Variants in MYO6 observed in about 807,000 individuals in gnomAD.
MYO6 encodes myosin VI, also known as unconventional myosin-VI.
MYO6 carries 74 observed loss-of-function variants against 178.7 expected under a neutral mutation model. That is an observed-to-expected ratio of 0.41 (90% CI 0.34 to 0.50). The LOEUF (loss-of-function observed/expected upper bound fraction) is 0.50, where lower values mean the gene tolerates loss of function less well. MYO6 is among the 20% of genes least tolerant of loss of function. MYO6 has a pLI of 0.09. For synonymous variants in MYO6, 477 were observed against 504.6 expected, an observed-to-expected ratio of 0.95 and a Z score of 0.73; for missense variants, 1,330 against 1,547.4, an observed-to-expected ratio of 0.86 and a Z score of 2.36.
At position 75,918,413 on chromosome 6, in the gene MYO6, T is replaced by C. The variant is rs1320929630; in HGVS notation, c.*3401T>C. On this transcript the variant is annotated 3_prime_UTR_variant, in exon 35 of 35. Transcript: ENST00000369977. ...CCCCCAGTTTGGAAACACTGATACA[T>C]TTTAGGACACAGAGCACTCCTAGAT... The C allele has an allele frequency of 6.6e-6, 1 of 152,186 alleles. No homozygotes were observed. Among genetic ancestry groups the C allele is most frequent in the African/African-American group, 2.4e-5 (1 of 41,430 alleles). The allele number at this position is 152,186 out of a possible 1,614,324, so 9.4% of individuals were successfully genotyped here. A position where few individuals can be genotyped will look rare whatever the true frequency, so the allele number is the denominator to read the frequency against.
At chr6:75,910,228 T>C (rs1449259425) in intron 32 of MYO6, among the ~76,000 whole-genome samples, 2 of 152,178 alleles carry the variant, frequency 1.3e-5, no homozygotes, top group Non-Finnish European at 2.9e-5. Context: ...AAAATGACAG[T>C]GAGCTGTTCT....
chr6:75,908,436 TTA>T (rs1392420183), intron 31 of MYO6, 58 bp from the exon 32 acceptor site: 3 of 1,518,008 alleles, frequency 2.0e-6, no homozygotes, highest in Non-Finnish European at 2.7e-6. Context: ...AATTATATCA[TTA>T]TGTTAGACGA....
At chr6:75,882,168 G>T (rs927121592) in intron 23 of MYO6, among the ~76,000 whole-genome samples, 1 of 151,976 alleles carries the variant, frequency 6.6e-6, no homozygotes, top group Non-Finnish European at 1.5e-5. Context: ...CACATACCCC[G>T]AAAATTCTAA....
chr6:75,910,162 T>A (rs935304207), intron 32 of MYO6, among the ~76,000 whole-genome samples: 25 of 152,192 alleles, frequency 1.6e-4, no homozygotes, highest in African/African-American at 4.8e-4. Context: ...ATGATTACAT[T>A]AGCTGTTCAC....
chr6:75,849,104 C>T (rs914354316), intron 11 of MYO6, among the ~76,000 whole-genome samples: 1 of 152,134 alleles, frequency 6.6e-6, no homozygotes, highest in Non-Finnish European at 1.5e-5. Context: ...ATTTGATCTA[C>T]GAATACAGGG....
At chr6:75,836,370 T>G (rs1036966967) in intron 7 of MYO6, among the ~76,000 whole-genome samples, 3 of 152,316 alleles carry the variant, frequency 2.0e-5, no homozygotes, top group African/African-American at 7.2e-5. Context: ...GTGTGTAAAT[T>G]GATTTCCTTA....
rs765565236 is a variant in MYO6, at chr6:75,787,676, T to TTCTC, written c.-47-29773_-47-29770dup. ...ATATATATATGGGGGAATGGAACTA[T>TTCTC]TCTCTCTCTCTCTCTCTCTCTCTCT... On this transcript the variant is annotated intron_variant, in intron 1 of 34. Transcript: ENST00000369977. Among the ~76,000 whole-genome samples the TTCTC allele has an allele frequency of 1.4e-3, 34 of 25,000 alleles. 1 individual carries two copies. Among genetic ancestry groups the TTCTC allele is most frequent in the Non-Finnish European group, 2.0e-3 (31 of 15,492 alleles). 16.4% of individuals were successfully genotyped at this position (25,000 alleles called of 152,430 possible).
At chr6:75,872,416 C>A (rs1453186398) in intron 19 of MYO6, among the ~76,000 whole-genome samples, 2 of 152,066 alleles carry the variant, frequency 1.3e-5, no homozygotes, top group Non-Finnish European at 2.9e-5. Flanking sequence ...AGCTTAGGGA[C>A]CTACTGTATG....
intron 1 of MYO6, among the ~76,000 whole-genome samples, chr6:75,757,014 T>C (rs1582973950): frequency 7.1e-6 from 1 of 140,840 alleles, no homozygotes; most frequent in Non-Finnish European, 1.6e-5. Context: ...AGTGTGTATA[T>C]ATGTATACAC....
intron 1 of MYO6, among the ~76,000 whole-genome samples, chr6:75,788,106 A>G (rs1767856191): frequency 1.3e-5 from 2 of 151,992 alleles, no homozygotes; most frequent in Admixed American, 6.6e-5. Context: ...ATTTTACTAT[A>G]TGTAAATTAT....
chr6:75,794,469 A>G (rs1768571410), intron 1 of MYO6, among the ~76,000 whole-genome samples: 2 of 152,224 alleles, frequency 1.3e-5, no homozygotes, highest in African/African-American at 4.8e-5. Flanking sequence ...TAAAAGGCAT[A>G]GCAGTTCTGG....
At chr6:75,811,391 G>A (rs1342450584) in intron 1 of MYO6, among the ~76,000 whole-genome samples, 5 of 152,076 alleles carry the variant, frequency 3.3e-5, no homozygotes, top group Non-Finnish European at 5.9e-5. Flanking sequence ...ATTAGAAAAT[G>A]CTTCTGTTTT....
chr6:75,801,325 G>A (rs556324694), intron 1 of MYO6, among the ~76,000 whole-genome samples: 90 of 151,826 alleles, frequency 5.9e-4, no homozygotes, highest in African/African-American at 2.1e-3. Context: ...GAAAGAGAGG[G>A]ACGAGAGGAG....
At chr6:75,902,574 C>A (rs1261914708) in intron 30 of MYO6, among the ~76,000 whole-genome samples, 1 of 151,992 alleles carries the variant, frequency 6.6e-6, no homozygotes, top group African/African-American at 2.4e-5. Flanking sequence ...TGGTGACATC[C>A]CCTTTATCAT....
At chr6:75,893,262 G>C (rs867557836) in intron 28 of MYO6, among the ~76,000 whole-genome samples, 2 of 152,054 alleles carry the variant, frequency 1.3e-5, no homozygotes, top group Non-Finnish European at 2.9e-5. Context: ...CACTATAGTG[G>C]AGTGTATAGG....
rs1463043496 is a variant in MYO6, at chr6:75,828,525, A to C, written c.188-15A>C. 1.4e-6 allele frequency: 2 copies of C among 1,445,326 alleles called. No homozygotes were observed. Among genetic ancestry groups the C allele is most frequent in the East Asian group, 2.3e-5 (1 of 43,906 alleles). 89.5% of individuals were successfully genotyped at this position (1,445,326 alleles called of 1,614,324 possible). A position where few individuals can be genotyped will look rare whatever the true frequency, so the allele number is the denominator to read the frequency against. ...TTCTTCAATTCTCTAATGACATATA[A>C]ATTTTATGTCTTAGGTTCACTAATG... is the stretch of plus-strand genomic sequence containing the variant. On this transcript the variant is annotated splice_polypyrimidine_tract_variant and intron_variant, in intron 3 of 34. Transcript: ENST00000369977.
chr6:75,903,823 C>T (rs1483025204), intron 30 of MYO6, among the ~76,000 whole-genome samples: 3 of 151,758 alleles, frequency 2.0e-5, no homozygotes, highest in Non-Finnish European at 2.9e-5. Flanking sequence ...TTCCTAGTCT[C>T]GATGGTCTTT....
At chr6:75,823,789 A>G (rs1220443947) in intron 3 of MYO6, among the ~76,000 whole-genome samples, 1 of 152,206 alleles carries the variant, frequency 6.6e-6, no homozygotes, top group East Asian at 1.9e-4. Flanking sequence ...GCTCGTGGGC[A>G]TTTCGTCTCT....
At position 75,785,050 on chromosome 6, in the gene MYO6, T is replaced by C. The variant is rs1006654301; in HGVS notation, c.-47-32451T>C. ...GTGTTTTTAATTAAGTAAATGTAAA[T>C]TATCATTTTTTCATCTAGTCATTTA... On this transcript the variant is annotated intron_variant, in intron 1 of 34. Transcript: ENST00000369977. 7.9e-5 allele frequency among the ~76,000 whole-genome samples: 12 copies of C among 152,292 alleles called. No individual in the cohort carries two copies. The South Asian group carries it at 2.3e-3, about 29-fold the overall frequency.
Sources: gnomAD v4.1 joint callset for allele counts (sites outside exome capture counted in the v4.1 genomes callset) on GRCh38, gnomAD v4.1.1 for gene constraint, MANE v1.5 for transcripts, NCBI Gene and HGNC (gene_info 2026-07-23, HGNC 2026-07-21) for gene names.